FAM107A: variants seen among roughly 807,000 people sequenced by gnomAD.
FAM107A encodes family with sequence similarity 107 member A.
FAM107A carries 19 observed loss-of-function variants against 13.7 expected under a neutral mutation model. The observed-to-expected ratio is 1.38, with a 90% CI of 0.97 to 2.03. FAM107A has a LOEUF of 2.03. FAM107A is among the 30% of genes most tolerant of loss of function. The pLI is 0.00. For missense variants in FAM107A, 203 were observed against 184.4 expected, an observed-to-expected ratio of 1.10 and a Z score of -0.58; for synonymous variants, 82 against 74.5, an observed-to-expected ratio of 1.10 and a Z score of -0.52.
upstream of FAM107A, among the ~76,000 whole-genome samples, chr3:58,580,484 G>A (rs924842864): frequency 1.4e-5 from 2 of 142,652 alleles, no homozygotes; most frequent in Non-Finnish European, 3.0e-5. Context: ...GTGCCATAAT[G>A]GCTCACTGCA....
At chr3:58,573,914 C>T (rs1022816838) in intron 1 of FAM107A, among the ~76,000 whole-genome samples, 4 of 152,158 alleles carry the variant, frequency 2.6e-5, no homozygotes, top group African/African-American at 9.7e-5. Context: ...TCTGGTGTTT[C>T]CTCCTCTGCA....
upstream of FAM107A, among the ~76,000 whole-genome samples, chr3:58,581,601 G>GC (rs1201242962): frequency 6.6e-6 from 1 of 151,364 alleles, no homozygotes; most frequent in Non-Finnish European, 1.5e-5. Flanking sequence ...ATTAAACCGT[G>GC]CCCCCCGCCT....
chr3:58,581,511 G>T (rs1431309977), upstream of FAM107A, among the ~76,000 whole-genome samples: 3 of 152,170 alleles, frequency 2.0e-5, no homozygotes, highest in African/African-American at 7.2e-5. Flanking sequence ...CCTCAGCCCT[G>T]TATTCAGTCT....
chr3:58,587,761 G>A (rs2065623089), upstream of FAM107A, among the ~76,000 whole-genome samples: 1 of 152,078 alleles, frequency 6.6e-6, no homozygotes, highest in Admixed American at 6.5e-5. Context: ...AGGCTCACCA[G>A]GGGGCTTCAG....
upstream of FAM107A, among the ~76,000 whole-genome samples, chr3:58,587,527 A>G (rs1421926724): frequency 6.6e-6 from 1 of 151,334 alleles, no homozygotes; most frequent in Non-Finnish European, 1.5e-5. Flanking sequence ...GTGGCCCAGA[A>G]CAGAGGCTGG....
intron 1 of FAM107A, among the ~76,000 whole-genome samples, chr3:58,619,985 T>C (rs7616507): frequency 0.72 from 108,771 of 151,910 alleles, 39,114 homozygotes; most frequent in South Asian, 0.79. Context: ...CTATGTCCCT[T>C]CCCCCCAGCC....
rs1027044925 is a variant in FAM107A, at chr3:58,617,654, G to GCGAGAAAAC, written c.-70+9753_-70+9761dup. On this transcript the variant is annotated intron_variant, in intron 1 of 3. Transcript: ENST00000465970. The surrounding 1 kb of genome is among the most constrained non-coding windows in gnomAD (Gnocchi z 4.5). The stretch of plus-strand genomic sequence containing the variant: ...GAGCTGCGTTTTTGGGTTTCTGCCT[G>GCGAGAAAAC]CGAGAAAACCGGCTTTTGATTTGGC... Among the ~76,000 whole-genome samples the GCGAGAAAAC allele has an allele frequency of 1.9e-4, 29 of 152,132 alleles. No homozygotes were observed. Among genetic ancestry groups the GCGAGAAAAC allele is most frequent in the Non-Finnish European group, 3.7e-4 (25 of 68,016 alleles).
upstream of FAM107A, among the ~76,000 whole-genome samples, chr3:58,590,588 A>G (rs1180953865): frequency 6.6e-6 from 1 of 152,204 alleles, no homozygotes; most frequent in Non-Finnish European, 1.5e-5. Flanking sequence ...ACTTATAATT[A>G]TGGTGAAAAG....
At chr3:58,574,966 C>A (rs141810374) in intron 1 of FAM107A, among the ~76,000 whole-genome samples, 2 of 152,052 alleles carry the variant, frequency 1.3e-5, no homozygotes, top group Non-Finnish European at 2.9e-5. Flanking sequence ...TGCCTGCAGC[C>A]ACAGGAGAGA....
rs369749306 is a variant in FAM107A at position 58,622,276 on chromosome 3, TA to T, written c.-70+5139del. On this transcript the variant is annotated intron_variant, in intron 1 of 3. Transcript: ENST00000465970. The stretch of plus-strand genomic sequence containing the variant: ...CAACATGACAAAACCCCATCTCTAC[TA>T]AAAATACAAAAAAATTAGCTGGGCG... Among the ~76,000 whole-genome samples, 920 of 152,248 alleles carry T rather than the reference TA, an allele frequency of 6.0e-3. 4 individuals carry two copies. The highest frequency in any genetic ancestry group is 9.9e-3 in the Non-Finnish European group (673 of 68,010).
upstream of FAM107A, among the ~76,000 whole-genome samples, chr3:58,580,879 A>G (rs2065530404): frequency 6.6e-6 from 1 of 152,262 alleles, no homozygotes. Flanking sequence ...TTTTGTTATC[A>G]GAAAAAGACT....
rs765883733 is a variant in FAM107A, at chr3:58,566,559, GGGCAGTGGCCTGAGCCC to G, written c.*12_*28del. On this transcript the variant is annotated 3_prime_UTR_variant, in exon 4 of 4. Transcript: ENST00000360997. Reference sequence around the variant, plus strand: ...TGAAGGAGGCTGTCCAGGCCAGGGTGGGCAGTGGCCTGAGCCCGGCAGCTGGCCCTACAGCTCTCTCT... The same window carrying G: ...TGAAGGAGGCTGTCCAGGCCAGGGTGGGCAGCTGGCCCTACAGCTCTCTCT... The G allele has an allele frequency of 2.6e-6, 4 of 1,520,548 alleles. No homozygotes were observed. In the Admixed American group the frequency reaches 6.7e-5, roughly 25 times the overall value. 94.2% of individuals were successfully genotyped at this position (1,520,548 alleles called of 1,614,324 possible). A position where few individuals can be genotyped will look rare whatever the true frequency, so the allele number is the denominator to read the frequency against.
intron 1 of FAM107A, among the ~76,000 whole-genome samples, chr3:58,614,888 C>A (rs1164903983): frequency 6.6e-6 from 1 of 152,314 alleles, no homozygotes; most frequent in Admixed American, 6.5e-5. Flanking sequence ...TCACTGCAAC[C>A]TCCGCCTCCC....
At chr3:58,606,106 GTT>G (rs1358354582) in intron 1 of FAM107A, among the ~76,000 whole-genome samples, 1 of 151,936 alleles carries the variant, frequency 6.6e-6, no homozygotes, top group Non-Finnish European at 1.5e-5. Flanking sequence ...TTTTTTGTTT[GTT>G]TGTTTGAGAT....
intron 1 of FAM107A, among the ~76,000 whole-genome samples, chr3:58,622,270 C>T (rs2065963431): frequency 6.6e-6 from 1 of 152,150 alleles, no homozygotes; most frequent in African/African-American, 2.4e-5. Flanking sequence ...AAAACCCCAT[C>T]TCTACTAAAA....
In FAM107A at chr3:58,569,879, C is replaced by A. The variant is rs750609554; in HGVS notation, c.-5-14G>T. Reference sequence around the variant, plus strand: ...AGTACATGGCGGCTGTAGAGATGGGCAGAGGAGTAGCTCAGAGCTGAGCCT... The same window carrying A: ...AGTACATGGCGGCTGTAGAGATGGGAAGAGGAGTAGCTCAGAGCTGAGCCT... On this transcript the variant is annotated splice_polypyrimidine_tract_variant and intron_variant, in intron 1 of 3. Coordinates refer to ENST00000360997, the MANE Select transcript of FAM107A (RefSeq NM_001076778.3). The surrounding 1 kb of genome is among the most constrained non-coding windows in gnomAD (Gnocchi z 5.7). The A allele has an allele frequency of 6.2e-7, 1 of 1,611,976 alleles. No individual in the cohort carries two copies.
chr3:58,591,836 C>T (rs1456512406), upstream of FAM107A, among the ~76,000 whole-genome samples: 1 of 152,210 alleles, frequency 6.6e-6, no homozygotes, highest in Non-Finnish European at 1.5e-5. The surrounding 1 kb of genome is among the most constrained non-coding windows in gnomAD (Gnocchi z 4.3). Flanking sequence ...AGGGCCCAGC[C>T]TGGAGCTGTG....
chr3:58,589,902 T>G (rs2065641805), upstream of FAM107A, among the ~76,000 whole-genome samples: 1 of 152,154 alleles, frequency 6.6e-6, no homozygotes, highest in Non-Finnish European at 1.5e-5. Context: ...CTCACGCCCA[T>G]GCTGTTCCTT....
At chr3:58,603,061 T>A (rs1384057166) in intron 1 of FAM107A, among the ~76,000 whole-genome samples, 1 of 152,234 alleles carries the variant, frequency 6.6e-6, no homozygotes, top group Non-Finnish European at 1.5e-5. Context: ...TCTCTGCATT[T>A]CTTGAGTTTC....
Sources: gnomAD v4.1 joint callset for allele counts (sites outside exome capture counted in the v4.1 genomes callset) on GRCh38, gnomAD v4.1.1 for gene constraint, Gnocchi (gnomAD v3.1) non-coding constraint, MANE v1.5 for transcripts, NCBI Gene and HGNC (gene_info 2026-07-23, HGNC 2026-07-21) for gene names.